The following SLC9C1 variants were observed in gnomAD, a reference collection of about 807,000 sequenced individuals.
The protein encoded by SLC9C1 is solute carrier family 9 member C1.
SLC9C1 carries 97 observed loss-of-function variants against 140.9 expected under a neutral mutation model. That is an observed-to-expected ratio of 0.69 (90% CI 0.58 to 0.82). The LOEUF is 0.82. Ranked by LOEUF, SLC9C1 falls within the 40% of genes least tolerant of loss-of-function variation. The pLI is 0.00. For synonymous variants in SLC9C1, 440 were observed against 442.6 expected (o/e 0.99, Z 0.07); for missense variants, 1,340 against 1,389.3 (o/e 0.96, Z 0.56).
At chr3:112,180,945 G>A (rs866025807) in intron 21 of SLC9C1, among the ~76,000 whole-genome samples, 66 of 152,178 alleles carry the variant, frequency 4.3e-4, no homozygotes, top group Middle Eastern at 6.8e-3. Context: ...TAGTAGATAC[G>A]GGGTTTCACC....
intron 11 of SLC9C1, 136 bp from the exon 12 acceptor site, chr3:112,240,142 A>G: frequency 1.2e-6 from 1 of 800,818 alleles, no homozygotes; most frequent in Non-Finnish European, 1.9e-6. Flanking sequence ...TAATAATGGG[A>G]ATACTAAAGA....
At chr3:112,165,312 T>C (rs188526608) in intron 26 of SLC9C1, among the ~76,000 whole-genome samples, 55 of 152,342 alleles carry the variant, frequency 3.6e-4, no homozygotes, top group East Asian at 1.9e-4. Flanking sequence ...CCATTGCTGG[T>C]GAGGAGCTGC....
At chr3:112,240,582 A>T (rs2079114092) in intron 11 of SLC9C1, among the ~76,000 whole-genome samples, 1 of 152,210 alleles carries the variant, frequency 6.6e-6, no homozygotes, top group Non-Finnish European at 1.5e-5. Flanking sequence ...TCTCTGCCTT[A>T]TGGTCTTTGA....
intron 26 of SLC9C1, among the ~76,000 whole-genome samples, chr3:112,161,969 G>A (rs184818478): frequency 3.0e-4 from 46 of 151,940 alleles, no homozygotes; most frequent in African/African-American, 8.9e-4. Flanking sequence ...GTAGTTCTCC[G>A]TGAAGAGGTC....
chr3:112,254,456 C>T (rs183771880), intron 10 of SLC9C1, among the ~76,000 whole-genome samples: 6 of 152,204 alleles, frequency 3.9e-5, no homozygotes, highest in Admixed American at 6.5e-5. Context: ...GACAAAAAAT[C>T]GTCAACCAAT....
chr3:112,277,350 T>C (rs1388262564), intron 5 of SLC9C1, among the ~76,000 whole-genome samples: 2 of 152,170 alleles, frequency 1.3e-5, no homozygotes, highest in African/African-American at 2.4e-5. Context: ...AAAAGAAATA[T>C]TGGGCAACAG....
chr3:112,252,538 C>G (rs1210354582), intron 10 of SLC9C1, among the ~76,000 whole-genome samples: 1 of 152,134 alleles, frequency 6.6e-6, no homozygotes, highest in African/African-American at 2.4e-5. Context: ...AGACAGAATG[C>G]CTTTTTATGC....
At chr3:112,170,698 C>T (rs1338543102) in intron 23 of SLC9C1, among the ~76,000 whole-genome samples, 1 of 152,116 alleles carries the variant, frequency 6.6e-6, no homozygotes, top group Non-Finnish European at 1.5e-5. Context: ...GTGAACAGAT[C>T]ATTGGTTACT....
rs372214565 is a variant in SLC9C1, at chr3:112,239,256, G to T, written c.1446+584C>A. ...CGTGGGTGTGGGACCCTCCGAGCCA[G>T]GTGCGGGATATAATCTCCTGGTGTG... On this transcript the variant is annotated intron_variant, in intron 12 of 28. Coordinates refer to ENST00000305815, the MANE Select transcript of SLC9C1 (RefSeq NM_183061.3). Among the ~76,000 whole-genome samples, 46 of 152,348 alleles carry T rather than the reference G, an allele frequency of 3.0e-4. 1 individual carries two copies. The highest frequency in any genetic ancestry group is 1.7e-3 in the South Asian group (8 of 4,828).
chr3:112,215,630 T>C (rs1461635441), intron 15 of SLC9C1, among the ~76,000 whole-genome samples: 1 of 152,062 alleles, frequency 6.6e-6, no homozygotes, highest in Non-Finnish European at 1.5e-5. Flanking sequence ...ATGAAATACC[T>C]AGGAATCCAA....
chr3:112,265,177 T>G (rs6438062), intron 8 of SLC9C1, among the ~76,000 whole-genome samples: 89,788 of 151,736 alleles, frequency 0.59, 27,079 homozygotes, highest in East Asian at 0.79. Context: ...GATCACCTAC[T>G]TCAATTGTAG....
intron 7 of SLC9C1, among the ~76,000 whole-genome samples, chr3:112,268,681 C>T (rs1249837672): frequency 1.3e-5 from 2 of 152,086 alleles, no homozygotes; most frequent in Admixed American, 6.5e-5. Flanking sequence ...TATAAAATGT[C>T]GTGATTAATC....
intron 15 of SLC9C1, among the ~76,000 whole-genome samples, chr3:112,208,798 A>G (rs2078123938): frequency 6.6e-6 from 1 of 152,246 alleles, no homozygotes; most frequent in South Asian, 2.1e-4. Flanking sequence ...ATGATTATCC[A>G]TAAACATAAA....
At chr3:112,141,695 A>C (rs752853238) in intron 28 of SLC9C1, among the ~76,000 whole-genome samples, 1 of 152,194 alleles carries the variant, frequency 6.6e-6, no homozygotes, top group African/African-American at 2.4e-5. Flanking sequence ...AATAACTTTC[A>C]CATAATTTAT....
At chr3:112,249,488 A>G (rs1016743502) in intron 10 of SLC9C1, among the ~76,000 whole-genome samples, 3 of 152,028 alleles carry the variant, frequency 2.0e-5, no homozygotes, top group African/African-American at 7.3e-5. Flanking sequence ...TAAGTTAGAG[A>G]GGAGTCTATT....
At chr3:112,282,742 A>G (rs2080393493) in intron 2 of SLC9C1, among the ~76,000 whole-genome samples, 1 of 152,210 alleles carries the variant, frequency 6.6e-6, no homozygotes, top group Non-Finnish European at 1.5e-5. Context: ...AGCTGGTATC[A>G]TCCCTTAGAA....
chr3:112,164,256 C>T (rs1425142567), intron 26 of SLC9C1, among the ~76,000 whole-genome samples: 6 of 147,260 alleles, frequency 4.1e-5, no homozygotes, highest in African/African-American at 1.6e-4. Flanking sequence ...TTAATTGGAG[C>T]ACTTAGTCCA....
chr3:112,169,125 A>G (rs1350509921), intron 24 of SLC9C1, 63 bp from the exon 25 acceptor site: 2 of 1,576,120 alleles, frequency 1.3e-6, no homozygotes, highest in Non-Finnish European at 1.7e-6. Context: ...ATATTCATAA[A>G]TAGTCAATTA....
At chr3:112,157,435 T>C (rs1322904690) in intron 26 of SLC9C1, among the ~76,000 whole-genome samples, 1 of 152,146 alleles carries the variant, frequency 6.6e-6, no homozygotes, top group Admixed American at 6.5e-5. Flanking sequence ...TGTAGTATAG[T>C]TTGAAATCGG....
Sources: gnomAD v4.1 joint callset for allele counts (sites outside exome capture counted in the v4.1 genomes callset) on GRCh38, gnomAD v4.1.1 for gene constraint, MANE v1.5 for transcripts, NCBI Gene and HGNC (gene_info 2026-07-23, HGNC 2026-07-21) for gene names.